Variants in BRINP3 observed in about 807,000 individuals in gnomAD.
BRINP3 encodes BMP/retinoic acid inducible neural specific 3, also known as BMP/retinoic acid-inducible neural-specific protein 3.
In BRINP3, 19 loss-of-function variants were observed where a neutral mutation model predicts 71.0. The observed-to-expected ratio is 0.27, with a 90% CI of 0.19 to 0.39. The LOEUF is 0.39. BRINP3 is among the 10% of genes least tolerant of loss of function. BRINP3 has a pLI of 1.00. For synonymous variants in BRINP3, 380 were observed against 337.7 expected (o/e 1.13, Z -1.37); for missense variants, 959 against 940.8 (o/e 1.02, Z -0.25).
intron 2 of BRINP3, among the ~76,000 whole-genome samples, chr1:190,389,511 T>C (rs1209977510): frequency 4.0e-5 from 6 of 151,788 alleles, no homozygotes; most frequent in Non-Finnish European, 8.8e-5. Flanking sequence ...TTGTGGTAAA[T>C]AATATGTCCA....
At chr1:190,326,732 T>C (rs1283671638) in intron 2 of BRINP3, among the ~76,000 whole-genome samples, 3 of 152,004 alleles carry the variant, frequency 2.0e-5, no homozygotes, top group Non-Finnish European at 4.4e-5. Context: ...AAATAAAATA[T>C]TTTCCAGACA....
Position 190,160,865 on chromosome 1 carries a change from C to A in BRINP3, c.987G>T (p.Arg329Ser). 2 of 1,604,404 alleles carry A rather than the reference C, an allele frequency of 1.2e-6. No homozygotes were observed. Among genetic ancestry groups the A allele is most frequent in the South Asian group, 1.1e-5 (1 of 88,924 alleles). Residue 329 changes from arginine to serine, a missense_variant, in exon 7 of 8, where the codon AGG becomes AGT. By Grantham distance (110) the Arg-to-Ser change is moderately radical. Coordinates refer to ENST00000367462, the MANE Select transcript of BRINP3 (RefSeq NM_199051.3). ...ESDEFKLFMKRLPMNYFLNTS... is the reference protein window; with the variant it reads ...ESDEFKLFMKSLPMNYFLNTS... ...TGTTGAGGAAATAATTCATAGGTAG[C>A]CTTTTCATAAATAACTTGAATTCAT...
chr1:190,226,023 C>A (rs1461523135), intron 6 of BRINP3, 59 bp downstream of exon 6: 2 of 1,106,918 alleles, frequency 1.8e-6, no homozygotes, highest in African/African-American at 1.6e-5. Flanking sequence ...GACAAATTAG[C>A]CATTTCAATA....
At chr1:190,254,712 T>G (rs1660487820) in intron 4 of BRINP3, among the ~76,000 whole-genome samples, 1 of 152,172 alleles carries the variant, frequency 6.6e-6, no homozygotes, top group South Asian at 2.1e-4. Flanking sequence ...AATCATGTCT[T>G]CAGCAACAGG....
chr1:190,110,248 A>G (rs1267367025), intron 7 of BRINP3, among the ~76,000 whole-genome samples: 2 of 152,208 alleles, frequency 1.3e-5, no homozygotes, highest in African/African-American at 4.8e-5. Flanking sequence ...CAGTCTGTCT[A>G]GGAAAATGAG....
At chr1:190,449,642 T>C (rs116118705) in intron 2 of BRINP3, among the ~76,000 whole-genome samples, 2,971 of 152,154 alleles carry the variant, frequency 0.02, 101 homozygotes, top group African/African-American at 0.067. Context: ...GAGGGCTCTA[T>C]CAATATGTAG....
At chr1:190,120,987 A>C (rs899784363) in intron 7 of BRINP3, among the ~76,000 whole-genome samples, 2 of 152,220 alleles carry the variant, frequency 1.3e-5, no homozygotes, top group Admixed American at 6.5e-5. Flanking sequence ...TGTAGAATTG[A>C]AATCAAACTT....
intron 4 of BRINP3, among the ~76,000 whole-genome samples, chr1:190,250,318 A>G (rs370250972): frequency 6.6e-6 from 1 of 152,116 alleles, no homozygotes; most frequent in South Asian, 2.1e-4. Flanking sequence ...TAATTCCCTG[A>G]GCAAAAAGTG....
chr1:190,105,221 T>G (rs1390437402), intron 7 of BRINP3, among the ~76,000 whole-genome samples: 1 of 151,976 alleles, frequency 6.6e-6, no homozygotes, highest in Non-Finnish European at 1.5e-5. Context: ...TGGAAATACT[T>G]TTGCACTCTG....
chr1:190,101,560 T>G (rs938878332), intron 7 of BRINP3, among the ~76,000 whole-genome samples: 2 of 152,190 alleles, frequency 1.3e-5, no homozygotes, highest in African/African-American at 4.8e-5. Flanking sequence ...TTCCTTTTTC[T>G]TTCTTCCTTT....
chr1:190,195,775 A>C (rs12095582), intron 6 of BRINP3, among the ~76,000 whole-genome samples: 18,511 of 151,988 alleles, frequency 0.12, 1,657 homozygotes, highest in South Asian at 0.26. Context: ...TGCTAATTAA[A>C]TAATTTTTAC....
At chr1:190,312,274 T>C (rs940597287) in intron 2 of BRINP3, among the ~76,000 whole-genome samples, 30 of 151,074 alleles carry the variant, frequency 2.0e-4, no homozygotes, top group African/African-American at 7.0e-4. Flanking sequence ...GAGCTGTCAT[T>C]TAGAAATATT....
intron 7 of BRINP3, among the ~76,000 whole-genome samples, chr1:190,124,311 T>A (rs1283474278): frequency 3.3e-5 from 5 of 152,178 alleles, no homozygotes; most frequent in Non-Finnish European, 7.3e-5. Context: ...CCTCACCAGA[T>A]GGTGGCACCT....
rs938758764 is a variant in BRINP3 at position 190,168,226 on chromosome 1, TAA to T, written c.962-7338_962-7337del. Reference sequence around the variant, plus strand: ...TTTAATTTGTATATATATATATATATAAAAAGCAAGACATAGGTCTGGCAACA... The same window carrying T: ...TTTAATTTGTATATATATATATATATAAAGCAAGACATAGGTCTGGCAACA... On this transcript the variant is annotated intron_variant, in intron 6 of 7. Coordinates refer to ENST00000367462, the MANE Select transcript of BRINP3 (RefSeq NM_199051.3). 9.4e-4 allele frequency among the ~76,000 whole-genome samples: 99 copies of T among 105,278 alleles called. 1 individual carries two copies. In the East Asian group the frequency reaches 0.024, roughly 26 times the overall value. The allele number at this position is 105,278 out of a possible 152,430, so 69.1% of individuals were successfully genotyped here. A position where few individuals can be genotyped will look rare whatever the true frequency, so the allele number is the denominator to read the frequency against.
At chr1:190,448,936 C>T (rs1422291394) in intron 2 of BRINP3, among the ~76,000 whole-genome samples, 1 of 151,700 alleles carries the variant, frequency 6.6e-6, no homozygotes, top group East Asian at 1.9e-4. Flanking sequence ...ATATTTTAAA[C>T]TTAATTTTTC....
intron 1 of BRINP3, among the ~76,000 whole-genome samples, chr1:190,462,854 T>A (rs1676486272): frequency 6.6e-6 from 1 of 152,028 alleles, no homozygotes; most frequent in Admixed American, 6.6e-5. Context: ...AAAATAAAAA[T>A]TCAAATGAAA....
Position 190,389,326 on chromosome 1 carries a change from G to A in BRINP3, c.236+65329C>T, listed in dbSNP as rs558183007. Among the ~76,000 whole-genome samples the A allele has an allele frequency of 1.4e-4, 21 of 151,354 alleles. No individual in the cohort carries two copies. The East Asian group carries it at 1.8e-3, about 13-fold the overall frequency. ...CTTCCTCTTAGTAGAATCCTAATTT[G>A]GATCAAATATCCAATTATATACCAT... On this transcript the variant is annotated intron_variant, in intron 2 of 7. Transcript: ENST00000367462.
intron 2 of BRINP3, among the ~76,000 whole-genome samples, chr1:190,333,132 A>C (rs1343135374): frequency 6.6e-6 from 1 of 152,032 alleles, no homozygotes; most frequent in East Asian, 1.9e-4. Flanking sequence ...GATTTGAAAA[A>C]ATGATCTTAT....
At chr1:190,418,680 C>A (rs1673164201) in intron 2 of BRINP3, among the ~76,000 whole-genome samples, 1 of 151,938 alleles carries the variant, frequency 6.6e-6, no homozygotes, top group South Asian at 2.1e-4. Flanking sequence ...AACAGAAAAA[C>A]AACATAGCAA....
Sources: allele counts gnomAD v4.1 joint callset (sites outside exome capture counted in the v4.1 genomes callset), GRCh38; gene constraint gnomAD v4.1.1; transcripts MANE v1.5; gene names NCBI Gene and HGNC (gene_info 2026-07-23, HGNC 2026-07-21).